The following SELENOO variants were observed in gnomAD, a reference collection of about 807,000 sequenced individuals.
SELENOO encodes the protein selenoprotein O.
In SELENOO, 74 loss-of-function variants were observed where a neutral mutation model predicts 58.7. The ratio of observed to expected loss-of-function variants is 1.26; its 90% CI spans 1.04 to 1.53. The LOEUF (loss-of-function observed/expected upper bound fraction) is 1.53. Ranked by LOEUF, SELENOO falls within the 40% of genes most tolerant of loss-of-function variation. The pLI is 0.00. For synonymous variants in SELENOO, 543 were observed against 453.2 expected (o/e 1.20, Z -2.52); for missense variants, 1,149 against 970.0 (o/e 1.18, Z -2.45).
rs139388622 is a variant in SELENOO at position 50,210,782 on chromosome 22, G to A, written c.1222G>A (p.Glu408Lys). The change falls in exon 5 of 9, where the codon GAG (glutamate) becomes AAG (lysine). Residue 408 changes from glutamate (E) to lysine (K), a missense_variant. Glu to Lys is a moderately conservative substitution (Grantham distance 56). Transcript: ENST00000380903. ...PLELGEAILA[E>K]EFDAEFQRHY... ...GGAGCTGGGGGAGGCCATCCTGGCCGAGGAGTTTGACGCCGAGTTCCAAAG... is the reference window on the plus strand; with the variant it reads ...GGAGCTGGGGGAGGCCATCCTGGCCAAGGAGTTTGACGCCGAGTTCCAAAG... 2.0e-5 allele frequency: 32 copies of A among 1,613,914 alleles called. 1 individual carries two copies. The highest frequency in any genetic ancestry group is 3.3e-5 in the South Asian group (3 of 91,086).
intron 5 of SELENOO, among the ~76,000 whole-genome samples, chr22:50,213,498 T>C (rs539387636): frequency 6.6e-6 from 1 of 150,830 alleles, no homozygotes; most frequent in Non-Finnish European, 1.5e-5. Context: ...GTGCTCTCTT[T>C]TGCTGGGCAG....
rs2147163450 is a variant in SELENOO, at chr22:50,210,832, G to A, written c.1272G>A (p.Arg424=). Residue 424 remains arginine, a synonymous_variant, in exon 5 of 9, where the codon AGG becomes AGA. Transcript: ENST00000380903. ...GGCACTACCTGCAGAAGATGCGCAGGAAGCTGGGCCTCGTGCAGGTGGAGC... is the reference window on the plus strand; with the variant it reads ...GGCACTACCTGCAGAAGATGCGCAGAAAGCTGGGCCTCGTGCAGGTGGAGC... ...FQRHYLQKMR[R]KLGLVQVELE... 16 of 1,614,132 alleles carry A rather than the reference G, an allele frequency of 9.9e-6. No individual in the cohort carries two copies. The highest frequency in any genetic ancestry group is 1.4e-5 in the Non-Finnish European group (16 of 1,180,034).
rs780221595 is a variant in SELENOO at position 50,217,416 on chromosome 22, G to A, written c.*47G>A. ...CCCTGGAGTCTCCCGAGGCCCCCAT[G>A]TGCTGCTGAGTGGCCAAGATGATGC... On this transcript the variant is annotated 3_prime_UTR_variant, in exon 9 of 9. Coordinates refer to ENST00000380903, the MANE Select transcript of SELENOO (RefSeq NM_031454.2). 123 of 1,594,048 alleles carry A rather than the reference G, an allele frequency of 7.7e-5. No homozygotes were observed. In the South Asian group the frequency reaches 1.1e-3, roughly 14 times the overall value.
At chr22:50,206,241 C>A in intron 1 of SELENOO, 76 bp from the exon 2 acceptor site, 1 of 1,337,326 alleles carries the variant, frequency 7.5e-7, no homozygotes, top group Non-Finnish European at 1.1e-6. Context: ...TCCCTCCTTT[C>A]CATGTGCTGC....
intron 1 of SELENOO, among the ~76,000 whole-genome samples, chr22:50,202,525 G>A (rs1047433763): frequency 6.6e-6 from 1 of 151,930 alleles, no homozygotes; most frequent in Non-Finnish European, 1.5e-5. Context: ...GGAACGTGGT[G>A]GAAATGCTGC....
At chr22:50,207,806 C>G in intron 2 of SELENOO, among the ~76,000 whole-genome samples, 1 of 125,034 alleles carries the variant, frequency 8.0e-6, no homozygotes, top group Non-Finnish European at 1.7e-5. Context: ...CTGGTGAGCG[C>G]TCACAGATGT....
intron 1 of SELENOO, chr22:50,206,104 C>G: frequency 1.7e-6 from 1 of 597,434 alleles, no homozygotes; most frequent in East Asian, 2.8e-5. Context: ...TTACCAGAGG[C>G]TGTGCCGACA....
At position 50,215,875 on chromosome 22, in the gene SELENOO, C is replaced by A. The variant is rs1602496913; in HGVS notation, c.1502+8C>A. 2.5e-6 allele frequency: 4 copies of A among 1,592,544 alleles called. No individual in the cohort carries two copies. The highest frequency in any genetic ancestry group is 1.7e-4 in the Middle Eastern group (1 of 5,948). ...GCCCCAGATGGATCCCCGGTGGGTACTCAGTTCCTACTTCTTTGGATTTGT... is the reference window on the plus strand; with the variant it reads ...GCCCCAGATGGATCCCCGGTGGGTAATCAGTTCCTACTTCTTTGGATTTGT... On this transcript the variant is annotated splice_region_variant and intron_variant, in intron 6 of 8. Transcript: ENST00000380903.
Position 50,217,314 on chromosome 22 carries a change from A to C in SELENOO, c.1955A>C (p.Tyr652Ser). Residue 652 changes from tyrosine (Y) to serine (S), a missense_variant, in exon 9 of 9, where the codon TAC becomes TCC. Tyr to Ser is a moderately radical substitution (Grantham distance 144, BLOSUM62 -2). Transcript: ENST00000380903. ...ADGADGRQRS[Y>S]SSKPPLWAAE... ...GGGGCGGACGGCAGGCAGCGCTCCT[A>C]CAGCAGTAAGCCCCCGCTCTGGGCA... 6.2e-7 allele frequency: 1 copy of C among 1,612,814 alleles called. No individual in the cohort carries two copies. The highest frequency in any genetic ancestry group is 8.5e-7 in the Non-Finnish European group (1 of 1,179,900).
intron 4 of SELENOO, 66 bp from the exon 5 acceptor site, chr22:50,210,565 G>T: frequency 6.2e-7 from 1 of 1,606,458 alleles, no homozygotes; most frequent in Non-Finnish European, 8.5e-7. Flanking sequence ...CCCCTCCAGG[G>T]TGGCTGCACC....
intron 7 of SELENOO, 44 bp downstream of exon 7, chr22:50,216,920 G>T: frequency 1.2e-6 from 2 of 1,602,414 alleles, no homozygotes; most frequent in Non-Finnish European, 8.5e-7. Context: ...CGGGTCGCGT[G>T]CTGGAAAAAG....
intron 5 of SELENOO, among the ~76,000 whole-genome samples, chr22:50,211,628 TTTA>T (rs2064372148): frequency 2.0e-5 from 3 of 152,242 alleles, no homozygotes; most frequent in Admixed American, 2.0e-4. Context: ...GTCATGTGGT[TTTA>T]TTATTTCATT....
chr22:50,201,893 G>C lies in SELENOO; in HGVS notation c.554+303G>C, dbSNP rs185085425. ...CTAACCCTAACCCCGCAGGTCCCCA[G>C]CCTTCCTCCGATCGCTCGTGGGGCG... On this transcript the variant is annotated intron_variant, in intron 1 of 8. Coordinates refer to ENST00000380903, the MANE Select transcript of SELENOO (RefSeq NM_031454.2). 7.9e-5 allele frequency among the ~76,000 whole-genome samples: 12 copies of C among 152,376 alleles called. No individual in the cohort carries two copies. The East Asian group carries it at 1.9e-3, about 24-fold the overall frequency.
rs1261535799 is a variant in SELENOO at position 50,201,110 on chromosome 22, C to A, written c.74C>A (p.Pro25Gln). 3.0e-6 allele frequency: 4 copies of A among 1,344,364 alleles called. No homozygotes were observed. Among genetic ancestry groups the A allele is most frequent in the South Asian group, 1.9e-5 (1 of 53,460 alleles). The allele number at this position is 1,344,364 out of a possible 1,614,324, so 83.3% of individuals were successfully genotyped here. Residue 25 changes from proline (P) to glutamine (Q), a missense_variant, in exon 1 of 9, where the codon CCG (proline) becomes CAG (glutamine). By Grantham distance (76) the Pro-to-Gln change is moderately conservative. Coordinates refer to ENST00000380903, the MANE Select transcript of SELENOO (RefSeq NM_031454.2). Reference protein sequence around the residue: ...ARLLPLGRCSPSPAPRSTLSG... With the variant: ...ARLLPLGRCSQSPAPRSTLSG... ...CTCTTGCCCCTCGGTCGCTGTTCCC[C>A]GTCGCCGGCGCCCCGCTCTACGTTG...
At chr22:50,212,565 C>G (rs2064377749) in intron 5 of SELENOO, among the ~76,000 whole-genome samples, 1 of 152,220 alleles carries the variant, frequency 6.6e-6, no homozygotes, top group Non-Finnish European at 1.5e-5. Flanking sequence ...GGAGCTTGTT[C>G]ACATCCGCCA....
intron 1 of SELENOO, among the ~76,000 whole-genome samples, chr22:50,203,208 C>A (rs960821088): frequency 6.6e-6 from 1 of 152,040 alleles, no homozygotes; most frequent in Non-Finnish European, 1.5e-5. Flanking sequence ...CCTGTCTCTT[C>A]AAAAAAATAT....
intron 8 of SELENOO, 26 bp from the exon 9 acceptor site, chr22:50,217,179 C>A (rs762535953): frequency 6.2e-7 from 1 of 1,611,222 alleles, no homozygotes; most frequent in South Asian, 1.1e-5. Context: ...CGGCCCCAGA[C>A]CCCTCTCACC....
chr22:50,206,284 G>C (rs763126096), intron 1 of SELENOO, 33 bp from the exon 2 acceptor site: 2 of 1,598,194 alleles, frequency 1.3e-6, no homozygotes, highest in Non-Finnish European at 1.7e-6. Flanking sequence ...CCTCCTGACC[G>C]GCCCACGTAG....
chr22:50,208,752 G>A (rs775972957), intron 3 of SELENOO, 36 bp downstream of exon 3: 1 of 1,587,704 alleles, frequency 6.3e-7, no homozygotes, highest in East Asian at 2.2e-5. Flanking sequence ...CCTGCGGGTG[G>A]ATGCTGGGTG....
Sources: allele counts gnomAD v4.1 joint callset (sites outside exome capture counted in the v4.1 genomes callset), GRCh38; gene constraint gnomAD v4.1.1; transcripts MANE v1.5; gene names NCBI Gene and HGNC (gene_info 2026-07-23, HGNC 2026-07-21).